The following PID1 variants were observed in gnomAD, a reference collection of about 807,000 sequenced individuals.
PID1 encodes PTB-containing, cubilin and LRP1-interacting protein.
In PID1, 10 loss-of-function variants were observed where a neutral mutation model predicts 19.1. The observed-to-expected ratio is 0.52, with a 90% confidence interval of 0.32 to 0.89. The LOEUF is 0.89. Ranked by LOEUF, PID1 falls within the 40% of genes least tolerant of loss-of-function variation. PID1 has a pLI of 0.03. For synonymous variants in PID1, 130 were observed against 116.0 expected (o/e 1.12, Z -0.78); for missense variants, 248 against 285.3 (o/e 0.87, Z 0.94).
At chr2:229,196,040 C>T (rs915254341) in intron 1 of PID1, among the ~76,000 whole-genome samples, 1 of 151,860 alleles carries the variant, frequency 6.6e-6, no homozygotes, top group African/African-American at 2.4e-5. Context: ...AGTTAAACAT[C>T]GAGGTGAATA....
chr2:229,155,726 A>G, intron 2 of PID1, 92 bp downstream of exon 2: 1 of 1,163,986 alleles, frequency 8.6e-7, no homozygotes, highest in Non-Finnish European at 1.2e-6. Flanking sequence ...TCATTCTTAA[A>G]AATGATTACC....
chr2:229,161,910 T>G (rs1446471139), intron 1 of PID1, among the ~76,000 whole-genome samples: 1 of 152,228 alleles, frequency 6.6e-6, no homozygotes, highest in African/African-American at 2.4e-5. Flanking sequence ...TCAAAAACAG[T>G]ATCAGTTGTA....
At chr2:229,037,957 A>G (rs1028683109) in intron 2 of PID1, among the ~76,000 whole-genome samples, 1 of 152,214 alleles carries the variant, frequency 6.6e-6, no homozygotes, top group Non-Finnish European at 1.5e-5. Context: ...AATGTCACCA[A>G]TTTTAGTCCT....
chr2:229,031,131 G>A (rs138075798), intron 2 of PID1, among the ~76,000 whole-genome samples: 2,056 of 148,556 alleles, frequency 0.014, 46 homozygotes, highest in African/African-American at 0.048. Context: ...CAGAAGAATC[G>A]CTTGAACCTG....
chr2:229,076,012 T>C (rs1460641735), intron 2 of PID1, among the ~76,000 whole-genome samples: 1 of 152,234 alleles, frequency 6.6e-6, no homozygotes, highest in East Asian at 1.9e-4. Flanking sequence ...ATACATTGGT[T>C]GTCTATGCCA....
intron 1 of PID1, among the ~76,000 whole-genome samples, chr2:229,233,764 T>C (rs537861934): frequency 9.8e-5 from 15 of 152,316 alleles, no homozygotes; most frequent in African/African-American, 3.6e-4. Context: ...AGTTCTGGGA[T>C]TACAGGTGTG....
At chr2:229,194,887 C>T (rs1162482214) in intron 1 of PID1, among the ~76,000 whole-genome samples, 1 of 148,306 alleles carries the variant, frequency 6.7e-6, no homozygotes, top group African/African-American at 2.5e-5. Context: ...TACACACACC[C>T]GAAAAAAGCT....
chr2:229,197,040 C>CA (rs1691392176), intron 1 of PID1, among the ~76,000 whole-genome samples: 1 of 151,918 alleles, frequency 6.6e-6, no homozygotes. Flanking sequence ...TGACAAAGGG[C>CA]AAAATTTTCA....
chr2:229,098,794 T>A (rs982687891), intron 2 of PID1, among the ~76,000 whole-genome samples: 1 of 152,240 alleles, frequency 6.6e-6, no homozygotes, highest in Admixed American at 6.5e-5. Flanking sequence ...ACAGATTTCA[T>A]GTTCAGAGCA....
At chr2:229,214,692 T>A (rs1368150784) in intron 1 of PID1, among the ~76,000 whole-genome samples, 5 of 152,210 alleles carry the variant, frequency 3.3e-5, no homozygotes, top group Non-Finnish European at 7.3e-5. Context: ...TTGATCTTTA[T>A]GCCCTGAATA....
At position 229,025,213 on chromosome 2, in the gene PID1, C is replaced by A; in HGVS notation, c.*419G>T. 1 of 175,330 alleles carries A rather than the reference C, an allele frequency of 5.7e-6. No homozygotes were observed. The highest frequency in any genetic ancestry group is 1.2e-5 in the Non-Finnish European group (1 of 80,914). 10.9% of individuals were successfully genotyped at this position (175,330 alleles called of 1,614,324 possible). On this transcript the variant is annotated 3_prime_UTR_variant, in exon 3 of 3. Coordinates refer to ENST00000392055, the MANE Select transcript of PID1 (RefSeq NM_001100818.2). Reference sequence around the variant, plus strand: ...TGCGGCCAGCGTCCCCATCAGCACCCTGCCCACCCCACTAGAGATCCCATA... The same window carrying A: ...TGCGGCCAGCGTCCCCATCAGCACCATGCCCACCCCACTAGAGATCCCATA...
At chr2:229,217,141 C>A (rs908173036) in intron 1 of PID1, among the ~76,000 whole-genome samples, 1 of 152,134 alleles carries the variant, frequency 6.6e-6, no homozygotes, top group Non-Finnish European at 1.5e-5. Flanking sequence ...GGGGACAGAG[C>A]CCATTTTTGT....
chr2:229,244,384 A>C (rs1219660736), intron 1 of PID1, among the ~76,000 whole-genome samples: 1 of 152,160 alleles, frequency 6.6e-6, no homozygotes, highest in Non-Finnish European at 1.5e-5. Flanking sequence ...TAGAACTAGG[A>C]ATCAAGTCTG....
chr2:229,231,841 CCTT>C, intron 1 of PID1: 3 of 1,539,450 alleles, frequency 1.9e-6, no homozygotes, highest in Non-Finnish European at 1.8e-6. Context: ...TCTTTTACCT[CCTT>C]GTCTTAATCT....
At chr2:229,212,681 T>A (rs1024051590) in intron 1 of PID1, among the ~76,000 whole-genome samples, 2 of 152,310 alleles carry the variant, frequency 1.3e-5, no homozygotes, top group East Asian at 3.9e-4. Context: ...AGGTTTAGAA[T>A]GCGGTTGGGA....
At chr2:229,058,785 A>G (rs116205085) in intron 2 of PID1, among the ~76,000 whole-genome samples, 3,524 of 150,458 alleles carry the variant, frequency 0.023, 147 homozygotes, top group African/African-American at 0.083. Flanking sequence ...TTTTTTCCCT[A>G]CCACTGATTG....
chr2:229,103,255 G>C (rs991475897), intron 2 of PID1, among the ~76,000 whole-genome samples: 2 of 152,176 alleles, frequency 1.3e-5, no homozygotes, highest in Admixed American at 1.3e-4. Flanking sequence ...AGGGTCATGT[G>C]ACTGGCACTT....
intron 1 of PID1, among the ~76,000 whole-genome samples, chr2:229,157,240 G>A (rs1019445372): frequency 1.3e-5 from 2 of 152,066 alleles, no homozygotes; most frequent in Admixed American, 1.3e-4. Flanking sequence ...GACCAGCCTG[G>A]CCAACATGGT....
intron 1 of PID1, among the ~76,000 whole-genome samples, chr2:229,188,313 G>T (rs1029572846): frequency 2.6e-5 from 4 of 151,150 alleles, no homozygotes; most frequent in Admixed American, 6.6e-5. Context: ...GGATGCATTT[G>T]CTTCTCCCCT....
Sources: allele counts gnomAD v4.1 joint callset (sites outside exome capture counted in the v4.1 genomes callset), GRCh38; gene constraint gnomAD v4.1.1; transcripts MANE v1.5; gene names NCBI Gene and HGNC (gene_info 2026-07-23, HGNC 2026-07-21).